Variants in CTNNA3 observed in about 807,000 individuals in gnomAD.
The protein encoded by CTNNA3 is catenin alpha 3.
Under a neutral mutation model 95.7 loss-of-function variants are expected in CTNNA3, and 76 were observed. The observed-to-expected ratio is 0.79, with a 90% confidence interval of 0.66 to 0.96. The LOEUF (loss-of-function observed/expected upper bound fraction) is 0.96, where lower values mean the gene tolerates loss of function less well. Ranked by LOEUF, CTNNA3 falls within the 40% of genes least tolerant of loss-of-function variation. CTNNA3 has a pLI of 0.00. For synonymous variants in CTNNA3, 431 were observed against 374.4 expected, an observed-to-expected ratio of 1.15 and a Z score of -1.74; for missense variants, 1,191 against 1,089.8, an observed-to-expected ratio of 1.09 and a Z score of -1.31.
intron 7 of CTNNA3, among the ~76,000 whole-genome samples, chr10:66,783,582 C>T (rs192993897): frequency 1.3e-5 from 2 of 152,162 alleles, no homozygotes; most frequent in African/African-American, 2.4e-5. Flanking sequence ...AGCGTCTGTA[C>T]GAACGTGGAG....
At position 67,441,300 on chromosome 10, in the gene CTNNA3, C is replaced by A. The variant is rs912424228; in HGVS notation, c.579+80542G>T. Reference sequence around the variant, plus strand: ...AAAGAATAAAAAGCAATGTAGCATGCCTTCAAGATCTAGAAAATAGCCTCG... The same window carrying A: ...AAAGAATAAAAAGCAATGTAGCATGACTTCAAGATCTAGAAAATAGCCTCG... On this transcript the variant is annotated intron_variant, in intron 5 of 17. Transcript: ENST00000433211. Among the ~76,000 whole-genome samples, 3 of 150,996 alleles carry A rather than the reference C, an allele frequency of 2.0e-5. No individual in the cohort carries two copies. In the South Asian group the frequency reaches 6.3e-4, roughly 31 times the overall value.
chr10:67,011,158 T>C (rs1169030207), intron 7 of CTNNA3, among the ~76,000 whole-genome samples: 1 of 151,976 alleles, frequency 6.6e-6, no homozygotes, highest in East Asian at 1.9e-4. Flanking sequence ...TGAAACCCCG[T>C]CTCTACTAAA....
At chr10:67,702,075 A>T (rs1258690902) in intron 1 of CTNNA3, among the ~76,000 whole-genome samples, 1 of 152,156 alleles carries the variant, frequency 6.6e-6, no homozygotes, top group Non-Finnish European at 1.5e-5. Flanking sequence ...AGAAGAGCTA[A>T]CTATCCTAAA....
intron 9 of CTNNA3, among the ~76,000 whole-genome samples, chr10:66,631,692 A>G (rs891164853): frequency 3.3e-5 from 5 of 152,186 alleles, no homozygotes; most frequent in African/African-American, 1.2e-4. Flanking sequence ...CAAGATTAAG[A>G]TAAGCATTCC....
In CTNNA3 at chr10:66,725,382, C is replaced by T. The variant is rs947721141; in HGVS notation, c.1281+40882G>A. On this transcript the variant is annotated intron_variant, in intron 9 of 17. Transcript: ENST00000433211. Reference sequence around the variant, plus strand: ...ACTACAACTCATTTACAAACCATCTCCTATAGACCTGGATTGCTGATGTGG... The same window carrying T: ...ACTACAACTCATTTACAAACCATCTTCTATAGACCTGGATTGCTGATGTGG... Among the ~76,000 whole-genome samples, 4 of 152,164 alleles carry T rather than the reference C, an allele frequency of 2.6e-5. No homozygotes were observed. In the East Asian group the frequency reaches 7.7e-4, roughly 29 times the overall value.
intron 3 of CTNNA3, among the ~76,000 whole-genome samples, chr10:67,577,723 T>C (rs1036279774): frequency 1.0e-4 from 15 of 149,640 alleles, no homozygotes; most frequent in African/African-American, 3.8e-4. Flanking sequence ...TGTGTGTGTG[T>C]ATATATACTA....
At chr10:66,435,131 G>A (rs2093327698) in intron 11 of CTNNA3, among the ~76,000 whole-genome samples, 1 of 152,024 alleles carries the variant, frequency 6.6e-6, no homozygotes, top group Non-Finnish European at 1.5e-5. Context: ...TTTCTGCCAG[G>A]TTTTGGTATC....
intron 5 of CTNNA3, among the ~76,000 whole-genome samples, chr10:67,478,182 A>G (rs1848089653): frequency 6.6e-6 from 1 of 152,224 alleles, no homozygotes; most frequent in Non-Finnish European, 1.5e-5. Flanking sequence ...GAATTAGGGA[A>G]TTATGTAAAG....
chr10:67,335,367 ATAAAT>A (rs1404415647), intron 5 of CTNNA3, among the ~76,000 whole-genome samples: 3 of 152,234 alleles, frequency 2.0e-5, no homozygotes, highest in Admixed American at 6.5e-5. Flanking sequence ...ATGAATGAAT[ATAAAT>A]TATTGTAAAA....
At chr10:65,973,602 A>C (rs2078152636) in intron 16 of CTNNA3, among the ~76,000 whole-genome samples, 1 of 152,264 alleles carries the variant, frequency 6.6e-6, no homozygotes, top group South Asian at 2.1e-4. Flanking sequence ...AAAGAAAAGA[A>C]GTTTAATTGG....
intron 15 of CTNNA3, among the ~76,000 whole-genome samples, chr10:66,003,447 C>G (rs1380055753): frequency 1.3e-5 from 2 of 152,070 alleles, no homozygotes; most frequent in Admixed American, 6.6e-5. Context: ...CCTCAAATAC[C>G]TCAATTTACC....
intron 11 of CTNNA3, among the ~76,000 whole-genome samples, chr10:66,445,586 C>A (rs1444001283): frequency 6.6e-6 from 1 of 151,888 alleles, no homozygotes; most frequent in Non-Finnish European, 1.5e-5. Flanking sequence ...GGGTACATAA[C>A]AAAATGAAGG....
intron 12 of CTNNA3, among the ~76,000 whole-genome samples, chr10:66,316,954 A>G (rs1025748326): frequency 6.6e-6 from 1 of 152,228 alleles, no homozygotes; most frequent in East Asian, 1.9e-4. Context: ...AGAATTGAAT[A>G]GCAGACTAAT....
intron 7 of CTNNA3, among the ~76,000 whole-genome samples, chr10:66,833,415 T>A (rs1175732143): frequency 6.6e-6 from 1 of 152,248 alleles, no homozygotes; most frequent in African/African-American, 2.4e-5. Context: ...TACGTGCAAA[T>A]CCTTATAGAA....
intron 7 of CTNNA3, among the ~76,000 whole-genome samples, chr10:67,027,746 G>C (rs1156533785): frequency 6.6e-6 from 1 of 151,924 alleles, no homozygotes; most frequent in Non-Finnish European, 1.5e-5. Flanking sequence ...TCATATAATT[G>C]TCCATAGGTA....
intron 12 of CTNNA3, among the ~76,000 whole-genome samples, chr10:66,318,148 C>T (rs1344343962): frequency 6.6e-6 from 1 of 151,778 alleles, no homozygotes; most frequent in African/African-American, 2.4e-5. Context: ...GCAGCTGGCC[C>T]AGTGGGATAG....
chr10:66,875,200 C>T (rs1028136067), intron 7 of CTNNA3, among the ~76,000 whole-genome samples: 1 of 152,004 alleles, frequency 6.6e-6, no homozygotes, highest in African/African-American at 2.4e-5. Flanking sequence ...GGAGAAGTTT[C>T]GTGTGGAGAA....
chr10:67,200,838 TAA>T (rs1863611272), intron 6 of CTNNA3, among the ~76,000 whole-genome samples: 1 of 152,212 alleles, frequency 6.6e-6, no homozygotes, highest in Non-Finnish European at 1.5e-5. Context: ...GCCCTATATT[TAA>T]GTTAGAAATA....
At chr10:66,003,217 T>C (rs188924795) in intron 15 of CTNNA3, among the ~76,000 whole-genome samples, 83 of 152,304 alleles carry the variant, frequency 5.4e-4, no homozygotes, top group Admixed American at 2.7e-3. Flanking sequence ...ATGTTGCATT[T>C]GCTTATGAAA....
Sources: allele counts gnomAD v4.1 joint callset (sites outside exome capture counted in the v4.1 genomes callset), GRCh38; gene constraint gnomAD v4.1.1; transcripts MANE v1.5; gene names NCBI Gene and HGNC (gene_info 2026-07-23, HGNC 2026-07-21).